TUSC3: variants seen among roughly 807,000 people sequenced by gnomAD.
TUSC3 encodes the protein tumor suppressor candidate 3.
Under a neutral mutation model 44.8 loss-of-function variants are expected in TUSC3, and 45 were observed. That is an observed-to-expected ratio of 1.00 (90% CI 0.79 to 1.29). TUSC3 has a LOEUF of 1.29. Ranked by LOEUF, TUSC3 falls within the 50% of genes most tolerant of loss-of-function variation. The probability of loss-of-function intolerance (pLI) is 0.00; values close to 1 mark genes in which losing one functional copy is unlikely to be tolerated. For missense variants in TUSC3, 519 were observed against 437.9 expected (o/e 1.19, Z -1.65); for synonymous variants, 212 against 152.9 (o/e 1.39, Z -2.85).
chr8:15,767,557 G>T (rs574920859), downstream of TUSC3, among the ~76,000 whole-genome samples: 10 of 152,118 alleles, frequency 6.6e-5, no homozygotes, highest in South Asian at 4.2e-4. Flanking sequence ...AACTCAGCTG[G>T]ATAGCTTAAT....
At chr8:15,805,954 A>T in the TUSC3 span, among the ~76,000 whole-genome samples, 2 of 152,172 alleles carry the variant, frequency 1.3e-5, no homozygotes, top group Non-Finnish European at 2.9e-5. Context: ...TGTTTACTTA[A>T]GTGTCAAATT....
At chr8:15,438,119 G>A (rs528072755) in intron 1 of TUSC3, among the ~76,000 whole-genome samples, 5 of 152,070 alleles carry the variant, frequency 3.3e-5, no homozygotes, top group East Asian at 3.9e-4. Context: ...TTTTTGAGAC[G>A]GAGTTTCACT....
the TUSC3 span, among the ~76,000 whole-genome samples, chr8:15,844,184 T>G: frequency 6.6e-6 from 1 of 152,180 alleles, no homozygotes; most frequent in African/African-American, 2.4e-5. Flanking sequence ...AATATCTCTT[T>G]GTTGTAGTTT....
chr8:15,661,580 C>G (rs1807428683), intron 4 of TUSC3, among the ~76,000 whole-genome samples: 2 of 151,870 alleles, frequency 1.3e-5, no homozygotes, highest in South Asian at 4.1e-4. Context: ...ATACGAATTT[C>G]AAATATCTGA....
rs139142422 is a variant in TUSC3 at position 15,757,789 on chromosome 8, A to C, written c.1029-2A>C. On this transcript the variant is annotated splice_acceptor_variant, in intron 9 of 10. Transcript: ENST00000503731. LOFTEE classifies it high-confidence loss of function. ...TGTATTTCATTGTGGTGTATTGGAA[A>C]GTGATCTGGACTTTGAGTGAGAAGA... is the stretch of plus-strand genomic sequence containing the variant. The C allele has an allele frequency of 6.8e-7, 1 of 1,468,812 alleles. No homozygotes were observed. The highest frequency in any genetic ancestry group is 9.5e-7 in the Non-Finnish European group (1 of 1,047,774). The allele number at this position is 1,468,812 out of a possible 1,614,324, so 91.0% of individuals were successfully genotyped here. A position where few individuals can be genotyped will look rare whatever the true frequency, so the allele number is the denominator to read the frequency against.
chr8:15,613,914 A>G (rs1804872340), intron 1 of TUSC3, among the ~76,000 whole-genome samples: 1 of 152,098 alleles, frequency 6.6e-6, no homozygotes, highest in Admixed American at 6.6e-5. Context: ...AGAAGTTTGA[A>G]TTAGGCCTTT....
intron 1 of TUSC3, among the ~76,000 whole-genome samples, chr8:15,426,850 C>T (rs371211800): frequency 7.9e-5 from 12 of 152,272 alleles, no homozygotes; most frequent in African/African-American, 2.9e-4. Flanking sequence ...ATATTCCCAC[C>T]AGCATTGTAC....
At chr8:15,617,683 T>C (rs965932669) in intron 1 of TUSC3, among the ~76,000 whole-genome samples, 1 of 152,242 alleles carries the variant, frequency 6.6e-6, no homozygotes, top group African/African-American at 2.4e-5. Context: ...CAGCTTCTTT[T>C]TCTCTTTGGC....
At chr8:15,583,385 T>G (rs1269060249) in intron 1 of TUSC3, among the ~76,000 whole-genome samples, 1 of 152,190 alleles carries the variant, frequency 6.6e-6, no homozygotes, top group African/African-American at 2.4e-5. Flanking sequence ...GCAGAGAAGA[T>G]TGACGGTGAT....
the TUSC3 span, among the ~76,000 whole-genome samples, chr8:15,828,021 T>C: frequency 2.2e-5 from 3 of 137,520 alleles, no homozygotes; most frequent in Non-Finnish European, 3.1e-5. Flanking sequence ...TGACACGGAG[T>C]TTCACACTTG....
chr8:15,466,963 T>A (rs1563258734), intron 1 of TUSC3, among the ~76,000 whole-genome samples: 1 of 152,112 alleles, frequency 6.6e-6, no homozygotes, highest in African/African-American at 2.4e-5. Context: ...CTGAGTACAG[T>A]ATTTAAATTC....
At chr8:15,562,739 C>G (rs1420349534) in intron 1 of TUSC3, among the ~76,000 whole-genome samples, 2 of 152,074 alleles carry the variant, frequency 1.3e-5, no homozygotes, top group Non-Finnish European at 2.9e-5. Flanking sequence ...GCTGCCAACC[C>G]CAGGTTCCAG....
At chr8:15,758,303 A>G (rs1812018451) in intron 10 of TUSC3, 13 of 953,746 alleles carry the variant, frequency 1.4e-5, no homozygotes, top group Non-Finnish European at 1.6e-5. Context: ...AAACTTTTTT[A>G]AAATCAACAT....
chr8:15,744,957 C>T lies in TUSC3; in HGVS notation c.937+1345C>T, dbSNP rs555900621. 1.1e-4 allele frequency among the ~76,000 whole-genome samples: 16 copies of T among 152,158 alleles called. No individual in the cohort carries two copies. In the South Asian group the frequency reaches 3.3e-3, roughly 32 times the overall value. On this transcript the variant is annotated intron_variant, in intron 8 of 10. Transcript: ENST00000503731. The stretch of plus-strand genomic sequence containing the variant: ...TCAACCTACACGCTCCTCACTCCAT[C>T]CCCACTCTAGTCGTGTCTGTTCTCA...
At position 15,495,652 on chromosome 8, in the gene TUSC3, G is replaced by A. The variant is rs934182289; in HGVS notation, n.189+12169G>A. The stretch of plus-strand genomic sequence containing the variant: ...AAATAAGCACAGCTCCCTTTGGGGG[G>A]CAGTATGGGAGCCTCCACCAAGTAT... On this transcript the variant is annotated intron_variant and non_coding_transcript_variant, in intron 2 of 5. Transcript: ENST00000503191. 5.3e-5 allele frequency among the ~76,000 whole-genome samples: 8 copies of A among 152,230 alleles called. No individual in the cohort carries two copies. In the South Asian group the frequency reaches 6.2e-4, roughly 12 times the overall value.
chr8:15,813,933 T>C, the TUSC3 span, among the ~76,000 whole-genome samples: 1,167 of 152,296 alleles, frequency 7.7e-3, 13 homozygotes, highest in African/African-American at 0.026. Flanking sequence ...GTTTGCGACA[T>C]TGAGCAAGTC....
At chr8:15,463,988 T>C (rs996567937) in intron 1 of TUSC3, among the ~76,000 whole-genome samples, 20 of 152,176 alleles carry the variant, frequency 1.3e-4, no homozygotes, top group African/African-American at 4.6e-4. Context: ...GAAGAAACTT[T>C]TGGACTTAGG....
At chr8:15,639,239 G>A (rs561396793) in intron 2 of TUSC3, among the ~76,000 whole-genome samples, 24 of 149,582 alleles carry the variant, frequency 1.6e-4, no homozygotes, top group Non-Finnish European at 2.4e-4. Context: ...GATGTTCAGC[G>A]CTTCAGTGAT....
At chr8:15,769,273 TACCAC>T (rs1167832029), downstream of TUSC3, among the ~76,000 whole-genome samples, 2 of 151,962 alleles carry the variant, frequency 1.3e-5, no homozygotes, top group Non-Finnish European at 2.9e-5. Flanking sequence ...TCAGAAATAA[TACCAC>T]ACGTCTACAA....
Sources: allele counts gnomAD v4.1 joint callset (sites outside exome capture counted in the v4.1 genomes callset), GRCh38; gene constraint gnomAD v4.1.1; transcripts MANE v1.5; gene names NCBI Gene and HGNC (gene_info 2026-07-23, HGNC 2026-07-21).